Variants in NCAPD2 observed in about 807,000 individuals in gnomAD.
The protein encoded by NCAPD2 is non-SMC condensin I complex subunit D2.
A neutral mutation model predicts 164.5 loss-of-function variants in NCAPD2; 100 were observed. That is an observed-to-expected ratio of 0.61 (90% confidence interval 0.52 to 0.72). NCAPD2 has a LOEUF of 0.72. Among genes scored for constraint, NCAPD2 ranks in the 30% least tolerant of loss-of-function variants. The pLI, the probability that NCAPD2 is intolerant of heterozygous loss-of-function variation, is 0.00. For synonymous variants in NCAPD2, 585 were observed against 642.6 expected (o/e 0.91, Z 1.36); for missense variants, 1,560 against 1,749.2 (o/e 0.89, Z 1.93).
In NCAPD2 at chr12:6,528,436, G is replaced by T; in HGVS notation, c.3299+108G>T. 6.8e-7 allele frequency: 1 copy of T among 1,460,968 alleles called. No homozygotes were observed. Among genetic ancestry groups the T allele is most frequent in the Non-Finnish European group, 9.5e-7 (1 of 1,056,198 alleles). 90.5% of individuals were successfully genotyped at this position (1,460,968 alleles called of 1,614,324 possible). A position where few individuals can be genotyped will look rare whatever the true frequency, so the allele number is the denominator to read the frequency against. ...TTCCCCTAGGCTTTGGCATCACCGCGAACATCTGCTTGATACTTGACCTGT... is the reference window on the plus strand; with the variant it reads ...TTCCCCTAGGCTTTGGCATCACCGCTAACATCTGCTTGATACTTGACCTGT... On this transcript the variant is annotated intron_variant, in intron 25 of 31. Coordinates refer to ENST00000315579, the MANE Select transcript of NCAPD2 (RefSeq NM_014865.4). The surrounding 1 kb of genome is among the most constrained non-coding windows in gnomAD (Gnocchi z 5.1).
At chr12:6,500,128 GAAA>G (rs900232277) in intron 2 of NCAPD2, among the ~76,000 whole-genome samples, 2 of 150,258 alleles carry the variant, frequency 1.3e-5, no homozygotes, top group African/African-American at 4.9e-5. Context: ...TTTCAAAAAA[GAAA>G]AAAAAAGAAG....
At chr12:6,513,291 A>G (rs1210677618) in intron 6 of NCAPD2, among the ~76,000 whole-genome samples, 2 of 152,212 alleles carry the variant, frequency 1.3e-5, no homozygotes, top group Non-Finnish European at 2.9e-5. Flanking sequence ...CTATAATCCT[A>G]GCACTTTGGG....
rs1159424979 is a variant in NCAPD2, at chr12:6,504,228, T to TACATATACATATATATATATATACACAC, written c.128-5488_128-5487insCATATACATATATATATATATACACACA. Among the ~76,000 whole-genome samples, 176 of 55,874 alleles carry TACATATACATATATATATATATACACAC rather than the reference T, an allele frequency of 3.1e-3. 6 individuals carry two copies. The South Asian group carries it at 0.055, about 18-fold the overall frequency. 36.7% of individuals were successfully genotyped at this position (55,874 alleles called of 152,430 possible). The stretch of plus-strand genomic sequence containing the variant: ...ATATATATATATATAGATATAGATA[T>TACATATACATATATATATATATACACAC]ATATATATATATATACCATTGGTCC... On this transcript the variant is annotated intron_variant, in intron 2 of 31. Transcript: ENST00000315579.
rs746032928 is a variant in NCAPD2 at position 6,517,483 on chromosome 12, A to G, written c.1304A>G (p.Asn435Ser). 6.2e-7 allele frequency: 1 copy of G among 1,614,226 alleles called. No homozygotes were observed. The highest frequency in any genetic ancestry group is 8.5e-7 in the Non-Finnish European group (1 of 1,180,040). The change falls in exon 11 of 32, where the codon AAT (asparagine) becomes AGT (serine). Residue 435 changes from asparagine (N) to serine (S), a missense_variant. Transcript: ENST00000315579. ...CTGCTGGCCAGTTTTCTAGCCAATA[A>G]TCCTTTCTCCTGCAAGGTAAGTAGA... The part of the protein sequence containing the change: ...IQLLASFLAN[N>S]PFSCKLSDAD...
At chr12:6,517,719 C>G in intron 12 of NCAPD2, 36 bp downstream of exon 12, 1 of 1,614,038 alleles carries the variant, frequency 6.2e-7, no homozygotes, top group South Asian at 1.1e-5. Flanking sequence ...TAATGCCAGA[C>G]AGGCTTCTCC....
chr12:6,504,428 T>C (rs1946079982), intron 2 of NCAPD2, among the ~76,000 whole-genome samples: 1 of 152,010 alleles, frequency 6.6e-6, no homozygotes, highest in Admixed American at 6.6e-5. Flanking sequence ...AGTCTTGCTC[T>C]GTGGCCCAGG....
intron 2 of NCAPD2, among the ~76,000 whole-genome samples, chr12:6,506,070 C>T (rs538100361): frequency 4.0e-5 from 6 of 151,816 alleles, no homozygotes; most frequent in East Asian, 3.9e-4. Flanking sequence ...GCAATCCTCC[C>T]GCCTCAGCCT....
intron 2 of NCAPD2, among the ~76,000 whole-genome samples, chr12:6,506,514 C>T (rs1349703881): frequency 1.3e-5 from 2 of 151,546 alleles, no homozygotes; most frequent in African/African-American, 4.8e-5. Context: ...GGCGTGAACC[C>T]AGGAGGCAGA....
At position 6,531,573 on chromosome 12, in the gene NCAPD2, A is replaced by G; in HGVS notation, c.*161A>G. 1 of 1,432,820 alleles carries G rather than the reference A, an allele frequency of 7.0e-7. No individual in the cohort carries two copies. The highest frequency in any genetic ancestry group is 2.4e-4 in the Middle Eastern group (1 of 4,084). The allele number at this position is 1,432,820 out of a possible 1,614,324, so 88.8% of individuals were successfully genotyped here. The stretch of plus-strand genomic sequence containing the variant: ...GTAATCCCAGCACTTTGCGATACCA[A>G]GGCGGGTGGATAACCTGAGGTAGGG... On this transcript the variant is annotated 3_prime_UTR_variant, in exon 32 of 32. Coordinates refer to ENST00000315579, the MANE Select transcript of NCAPD2 (RefSeq NM_014865.4). This position sits in a 1 kb window ranked among gnomAD's most constrained non-coding sequence, Gnocchi z 4.1.
chr12:6,529,734 C>T lies in NCAPD2; in HGVS notation c.3654-41C>T, dbSNP rs756782273. 1.3e-5 allele frequency: 21 copies of T among 1,601,876 alleles called. No individual in the cohort carries two copies. The South Asian group carries it at 1.7e-4, about 13-fold the overall frequency. The stretch of plus-strand genomic sequence containing the variant: ...ATGGGGAAGGTTGAGCCTTTACTAG[C>T]TGGATCTCCCAGTTCCTCACAAAGC... On this transcript the variant is annotated intron_variant, in intron 28 of 31. Transcript: ENST00000315579.
intron 13 of NCAPD2, among the ~76,000 whole-genome samples, chr12:6,519,605 A>G (rs367715519): frequency 4.6e-5 from 7 of 152,054 alleles, no homozygotes; most frequent in African/African-American, 1.7e-4. Flanking sequence ...CAAGCAGTCA[A>G]ACATGTATTC....
At chr12:6,510,473 G>A (rs747704321) in intron 4 of NCAPD2, 156 bp from the exon 5 acceptor site, 1 of 892,794 alleles carries the variant, frequency 1.1e-6, no homozygotes, top group African/African-American at 1.6e-5. Context: ...CAGGGTATCA[G>A]GGCCAAGGGT....
intron 17 of NCAPD2, 111 bp from the exon 18 acceptor site, chr12:6,525,472 C>T (rs910226898): frequency 2.3e-6 from 3 of 1,279,310 alleles, no homozygotes; most frequent in Non-Finnish European, 3.2e-6. Context: ...TTTTCTCTTC[C>T]TAAGTATTAC....
Position 6,510,829 on chromosome 12 carries a change from C to A in NCAPD2, c.444+19C>A. ...TGGGAAGGTAATTTGGAGTTTTGGG[C>A]TCACGTTATATGGGGTCTGGGGAGA... On this transcript the variant is annotated intron_variant, in intron 5 of 31. Transcript: ENST00000315579. The A allele has an allele frequency of 6.2e-7, 1 of 1,613,202 alleles. No homozygotes were observed. The highest frequency in any genetic ancestry group is 8.5e-7 in the Non-Finnish European group (1 of 1,179,508).
intron 8 of NCAPD2, 53 bp downstream of exon 8, chr12:6,514,640 A>G (rs1052364385): frequency 1.1e-5 from 17 of 1,612,694 alleles, no homozygotes; most frequent in Non-Finnish European, 1.4e-5. Flanking sequence ...GGGAGGGAAT[A>G]AAGAAAGATT....
Position 6,511,208 on chromosome 12 carries a change from C to G in NCAPD2, c.543C>G (p.Ile181Met). The G allele has an allele frequency of 6.2e-7, 1 of 1,614,234 alleles. No homozygotes were observed. Among genetic ancestry groups the G allele is most frequent in the South Asian group, 1.1e-5 (1 of 91,086 alleles). The change falls in exon 6 of 32, where the codon ATC (isoleucine) becomes ATG (methionine). Residue 181 changes from isoleucine (I) to methionine (M), a missense_variant. Physicochemically the swap from Ile to Met is conservative, Grantham distance 10. Coordinates refer to ENST00000315579, the MANE Select transcript of NCAPD2 (RefSeq NM_014865.4). ...TAACACAGCTACTTCAGTTGGACAT[C>G]CGTCACCTGTGGAACCACTCAATAA... ...QLLTQLLQLDIRHLWNHSIIE... is the reference protein window; with the variant it reads ...QLLTQLLQLDMRHLWNHSIIE...
At chr12:6,512,240 C>G (rs1178726522) in intron 6 of NCAPD2, among the ~76,000 whole-genome samples, 1 of 147,868 alleles carries the variant, frequency 6.8e-6, no homozygotes, top group Non-Finnish European at 1.5e-5. Context: ...CCACTGCACT[C>G]CAGCCTGGGC....
Position 6,509,780 on chromosome 12 carries a change from A to G in NCAPD2, c.191A>G (p.Tyr64Cys), listed in dbSNP as rs750325794. ...LAMLQHFDTI[Y>C]SILHHFRSID... is the part of the protein sequence containing the mutation. ...ATGCTGCAGCACTTTGATACTATCT[A>G]CAGCATTTTGCAGTAAGTGAAACAC... Residue 64 changes from tyrosine (Y) to cysteine (C), a missense_variant, in exon 3 of 32, where the codon TAC becomes TGC. Coordinates refer to ENST00000315579, the MANE Select transcript of NCAPD2 (RefSeq NM_014865.4). The G allele has an allele frequency of 1.2e-6, 2 of 1,613,924 alleles. No individual in the cohort carries two copies. The highest frequency in any genetic ancestry group is 1.7e-6 in the Non-Finnish European group (2 of 1,179,906).
rs1020979197 is a variant in NCAPD2 at position 6,528,963 on chromosome 12, C to G, written c.3496C>G (p.Leu1166Val). Residue 1166 changes from leucine to valine, a missense_variant, in exon 27 of 32, where the codon CTC (leucine) becomes GTC (valine). By Grantham distance (32) the Leu-to-Val change is conservative. Coordinates refer to ENST00000315579, the MANE Select transcript of NCAPD2 (RefSeq NM_014865.4). The surrounding 1 kb of genome is among the most constrained non-coding windows in gnomAD (Gnocchi z 5.1). ...LSHKGNAIYN[L>V]LPDIISRLSD... ...CTTACAGGGCAACGCAATCTATAATCTCCTTCCAGATATCATCAGCCGCCT... is the reference window on the plus strand; with the variant it reads ...CTTACAGGGCAACGCAATCTATAATGTCCTTCCAGATATCATCAGCCGCCT... 1.9e-6 allele frequency: 3 copies of G among 1,614,106 alleles called. No homozygotes were observed. The African/African-American group carries it at 4.0e-5, about 22-fold the overall frequency.
Sources: gnomAD v4.1 joint callset for allele counts (sites outside exome capture counted in the v4.1 genomes callset) on GRCh38, gnomAD v4.1.1 for gene constraint, Gnocchi (gnomAD v3.1) non-coding constraint, MANE v1.5 for transcripts, NCBI Gene and HGNC (gene_info 2026-07-23, HGNC 2026-07-21) for gene names.